The following DCC variants were observed in gnomAD, a reference collection of about 807,000 sequenced individuals.
DCC encodes DCC netrin 1 receptor, also known as netrin receptor DCC.
In DCC, 58 loss-of-function variants were observed where a neutral mutation model predicts 172.5. The ratio of observed to expected loss-of-function variants is 0.34; its 90% CI spans 0.27 to 0.42. The LOEUF is 0.42. Ranked by LOEUF, DCC falls within the 10% of genes least tolerant of loss-of-function variation. The pLI, the probability that DCC is intolerant of heterozygous loss-of-function variation, is 1.00. For synonymous variants in DCC, 709 were observed against 644.5 expected (o/e 1.10, Z -1.52); for missense variants, 1,740 against 1,791.0 (o/e 0.97, Z 0.51).
chr18:53,097,872 G>A (rs1452074493), intron 7 of DCC, among the ~76,000 whole-genome samples: 4 of 152,020 alleles, frequency 2.6e-5, no homozygotes, highest in Admixed American at 2.6e-4. Context: ...CAGTCTTATT[G>A]GATTAGAGTC....
At position 52,909,550 on chromosome 18, in the gene DCC, C is replaced by T. The variant is rs191228040; in HGVS notation, c.697+3222C>T. On this transcript the variant is annotated intron_variant, in intron 3 of 28. Coordinates refer to ENST00000442544, the MANE Select transcript of DCC (RefSeq NM_005215.4). ...TCTAAATAATATTTAATGTAATATA[C>T]TTATTCAAGTCTATGTGAAACTTAT... Among the ~76,000 whole-genome samples the T allele has an allele frequency of 2.8e-3, 433 of 152,206 alleles. 2 individuals are homozygous for T. Among genetic ancestry groups the T allele is most frequent in the Non-Finnish European group, 2.9e-3 (197 of 67,998 alleles).
intron 2 of DCC, among the ~76,000 whole-genome samples, chr18:52,871,275 C>G (rs1965920046): frequency 1.3e-5 from 2 of 152,124 alleles, no homozygotes; most frequent in South Asian, 4.1e-4. Flanking sequence ...CACTTGGTCA[C>G]CAGTCAACCT....
chr18:53,089,451 C>G (rs548669738), intron 7 of DCC, among the ~76,000 whole-genome samples: 4 of 151,856 alleles, frequency 2.6e-5, no homozygotes, highest in Admixed American at 1.3e-4. Flanking sequence ...GCCTCATTGT[C>G]TATGGAAAAA....
chr18:53,257,275 A>G (rs1035903208), intron 12 of DCC, among the ~76,000 whole-genome samples: 11 of 152,326 alleles, frequency 7.2e-5, no homozygotes, highest in Admixed American at 4.6e-4. Context: ...GAGAGAGGGC[A>G]TCCGTGTCTT....
chr18:52,461,891 C>T (rs1988641967), intron 1 of DCC, among the ~76,000 whole-genome samples: 1 of 152,170 alleles, frequency 6.6e-6, no homozygotes, highest in Non-Finnish European at 1.5e-5. Flanking sequence ...CTAATAGATG[C>T]ATCAAAGGAA....
chr18:53,202,999 G>T (rs2055564607), intron 9 of DCC, among the ~76,000 whole-genome samples: 1 of 152,114 alleles, frequency 6.6e-6, no homozygotes, highest in South Asian at 2.1e-4. Context: ...TTGGTGAGGG[G>T]AGTGCTACAC....
chr18:53,034,315 C>T (rs1455059009), intron 5 of DCC, among the ~76,000 whole-genome samples: 3 of 151,992 alleles, frequency 2.0e-5, no homozygotes, highest in African/African-American at 7.2e-5. Context: ...TCTCATTTCT[C>T]TTCACAGCCT....
chr18:52,743,926 T>C (rs2036866640), intron 1 of DCC, among the ~76,000 whole-genome samples: 1 of 152,226 alleles, frequency 6.6e-6, no homozygotes, highest in African/African-American at 2.4e-5. Context: ...GCAAATGTCC[T>C]GACACTAAAA....
At chr18:52,689,392 T>C (rs1197642144) in intron 1 of DCC, among the ~76,000 whole-genome samples, 2 of 152,078 alleles carry the variant, frequency 1.3e-5, no homozygotes, top group Non-Finnish European at 2.9e-5. Flanking sequence ...TGGAGAAGCA[T>C]GAAAAATTCA....
At chr18:53,282,916 G>T (rs2056890388) in intron 12 of DCC, among the ~76,000 whole-genome samples, 1 of 152,082 alleles carries the variant, frequency 6.6e-6, no homozygotes, top group Non-Finnish European at 1.5e-5. Context: ...AAATCGATGT[G>T]TGCAGAATGT....
At chr18:53,361,412 G>A (rs1469478828) in intron 15 of DCC, among the ~76,000 whole-genome samples, 1 of 152,040 alleles carries the variant, frequency 6.6e-6, no homozygotes, top group Non-Finnish European at 1.5e-5. Context: ...TAATAAAGCA[G>A]CATAACTAAC....
chr18:53,046,370 T>A (rs1287754116), intron 5 of DCC, among the ~76,000 whole-genome samples: 1 of 151,772 alleles, frequency 6.6e-6, no homozygotes, highest in Non-Finnish European at 1.5e-5. Context: ...AAAAGCAAAG[T>A]GAAAATTTTA....
chr18:52,686,757 A>G (rs1390709144), intron 1 of DCC, among the ~76,000 whole-genome samples: 1 of 152,122 alleles, frequency 6.6e-6, no homozygotes, highest in Non-Finnish European at 1.5e-5. Flanking sequence ...GGTGGATTTA[A>G]GAGGGTTGGA....
intron 27 of DCC, among the ~76,000 whole-genome samples, chr18:53,502,500 T>C (rs1948668140): frequency 6.6e-6 from 1 of 152,222 alleles, no homozygotes; most frequent in African/African-American, 2.4e-5. Context: ...TGACATTAAC[T>C]ACATGCTTCT....
chr18:53,208,515 C>A (rs916325438), intron 11 of DCC, among the ~76,000 whole-genome samples: 8 of 151,976 alleles, frequency 5.3e-5, no homozygotes, highest in African/African-American at 1.9e-4. Context: ...GATAGACAAT[C>A]CCCCTATATT....
intron 5 of DCC, among the ~76,000 whole-genome samples, chr18:52,958,220 T>C (rs1454283446): frequency 6.6e-6 from 1 of 152,164 alleles, no homozygotes; most frequent in East Asian, 1.9e-4. Context: ...GTATGATTTA[T>C]TTTATAGCAT....
chr18:52,982,815 A>G (rs958129503), intron 5 of DCC, among the ~76,000 whole-genome samples: 2 of 152,192 alleles, frequency 1.3e-5, no homozygotes, highest in African/African-American at 4.8e-5. Context: ...CTAGGCTTTC[A>G]GCTTTATGAG....
At chr18:53,343,511 C>T (rs986344695) in intron 15 of DCC, among the ~76,000 whole-genome samples, 2 of 151,530 alleles carry the variant, frequency 1.3e-5, no homozygotes, top group African/African-American at 4.8e-5. Flanking sequence ...CCTGTGTGGC[C>T]ATCATGTATT....
chr18:53,324,523 A>T (rs2057446339), intron 14 of DCC, among the ~76,000 whole-genome samples: 1 of 152,120 alleles, frequency 6.6e-6, no homozygotes, highest in Non-Finnish European at 1.5e-5. Context: ...GAACTGAGAA[A>T]ATCTTTCTGT....
Sources: gnomAD v4.1 joint callset for allele counts (sites outside exome capture counted in the v4.1 genomes callset) on GRCh38, gnomAD v4.1.1 for gene constraint, MANE v1.5 for transcripts, NCBI Gene and HGNC (gene_info 2026-07-23, HGNC 2026-07-21) for gene names.